KIF24: variants seen among roughly 807,000 people sequenced by gnomAD.
KIF24 encodes kinesin-like protein KIF24.
Under a neutral mutation model 118.9 loss-of-function variants are expected in KIF24, and 81 were observed. The ratio of observed to expected loss-of-function variants is 0.68; its 90% CI spans 0.57 to 0.82. KIF24 has a LOEUF of 0.82. Ranked by LOEUF, KIF24 falls within the 40% of genes least tolerant of loss-of-function variation. KIF24 has a pLI of 0.00. For synonymous variants in KIF24, 599 were observed against 610.0 expected (o/e 0.98, Z 0.27); for missense variants, 1,560 against 1,661.6 (o/e 0.94, Z 1.06).
rs1449153046 is a variant in KIF24 at position 34,277,047 on chromosome 9, G to A, written c.1216-5117C>T. ...TGATGGATCATCATAGATTGGTATC[G>A]TTCCTTTCTCAAACTCTTTTTTTTC... On this transcript the variant is annotated intron_variant, in intron 6 of 12. Transcript: ENST00000402558. Among the ~76,000 whole-genome samples the A allele has an allele frequency of 2.0e-5, 3 of 152,242 alleles. No homozygotes were observed. The East Asian group carries it at 5.8e-4, about 29-fold the overall frequency.
intron 10 of KIF24, 88 bp from the exon 11 acceptor site, chr9:34,258,069 G>C: frequency 1.0e-6 from 1 of 988,904 alleles, no homozygotes; most frequent in Non-Finnish European, 1.5e-6. Context: ...AAAAACCAAA[G>C]AAAAGTATTA....
Position 34,256,931 on chromosome 9 carries a change from C to A in KIF24, c.2676G>T (p.Trp892Cys). 1.2e-6 allele frequency: 2 copies of A among 1,613,918 alleles called. No homozygotes were observed. Among genetic ancestry groups the A allele is most frequent in the African/African-American group, 1.3e-5 (1 of 75,020 alleles). Reference sequence around the variant, plus strand: ...GGTTTATGGGGTCCCTGGAGTCCACCCAGCTTTTAGTTAGATCTTTCTTGT... The same window carrying A: ...GGTTTATGGGGTCCCTGGAGTCCACACAGCTTTTAGTTAGATCTTTCTTGT... Reference protein sequence around the residue: ...TGDKKDLTKSWVDSRDPINHR... With the variant: ...TGDKKDLTKSCVDSRDPINHR... Residue 892 changes from tryptophan (W) to cysteine (C), a missense_variant, in exon 11 of 13, where the codon TGG (tryptophan) becomes TGT (cysteine). Trp to Cys is a radical substitution (Grantham distance 215, BLOSUM62 -2). Transcript: ENST00000402558.
chr9:34,290,820 G>A (rs2210390), intron 4 of KIF24, among the ~76,000 whole-genome samples: 22,663 of 151,874 alleles, frequency 0.15, 2,051 homozygotes, highest in South Asian at 0.31. Flanking sequence ...AGCTCGTCTC[G>A]AACTCCTGAC....
At chr9:34,264,063 G>C (rs1554660044) in intron 8 of KIF24, among the ~76,000 whole-genome samples, 1 of 151,928 alleles carries the variant, frequency 6.6e-6, no homozygotes, top group Non-Finnish European at 1.5e-5. Context: ...GGTCGTGGGG[G>C]GCAAGATGAG....
At chr9:34,298,555 A>G (rs1563954576) in intron 3 of KIF24, among the ~76,000 whole-genome samples, 2 of 151,986 alleles carry the variant, frequency 1.3e-5, no homozygotes, top group Non-Finnish European at 2.9e-5. Flanking sequence ...AAAAAAAAAA[A>G]AAAGAGACAG....
Position 34,257,383 on chromosome 9 carries a change from G to T in KIF24, c.2224C>A (p.Pro742Thr). 6.2e-7 allele frequency: 1 copy of T among 1,614,068 alleles called. No individual in the cohort carries two copies. Among genetic ancestry groups the T allele is most frequent in the Non-Finnish European group, 8.5e-7 (1 of 1,179,902 alleles). The change falls in exon 11 of 13, where the codon CCT becomes ACT. Residue 742 changes from proline (P) to threonine (T), a missense_variant. Transcript: ENST00000402558. ...EYSQDSQRGT[P>T]ARPASEAWTN... The stretch of plus-strand genomic sequence containing the variant: ...CAAGCTTCAGAGGCAGGCCTAGCAG[G>T]CGTGCCCCTCTGGCTGTCTTGACTG...
chr9:34,326,179 C>A (rs917476922), intron 1 of KIF24, among the ~76,000 whole-genome samples: 1 of 152,014 alleles, frequency 6.6e-6, no homozygotes, highest in Non-Finnish European at 1.5e-5. Context: ...CATAGTGAGG[C>A]CTTGTCTCTA....
chr9:34,271,975 A>C, intron 6 of KIF24, 45 bp from the exon 7 acceptor site: 2 of 1,540,048 alleles, frequency 1.3e-6, no homozygotes, highest in Non-Finnish European at 1.8e-6. Context: ...GAGTAAACAA[A>C]AGCCTCTGGC....
rs141275074 is a variant in KIF24, at chr9:34,256,666, C to G, written c.2941G>C (p.Glu981Gln). The change falls in exon 11 of 13, where the codon GAG (glutamate) becomes CAG (glutamine). Residue 981 changes from glutamate (E) to glutamine (Q), a missense_variant. Coordinates refer to ENST00000402558, the MANE Select transcript of KIF24 (RefSeq NM_194313.4). Reference sequence around the variant, plus strand: ...AATGAGATAGTGAAACCATCTTCCTCTGGGGATGGCAAGTTGCCCTCATTC... The same window carrying G: ...AATGAGATAGTGAAACCATCTTCCTGTGGGGATGGCAAGTTGCCCTCATTC... ...GENEGNLPSP[E>Q]EDGFTISLSH... 4.7e-4 allele frequency: 755 copies of G among 1,613,968 alleles called. 1 individual carries two copies. The highest frequency in any genetic ancestry group is 4.7e-4 in the Non-Finnish European group (550 of 1,179,874).
intron 3 of KIF24, among the ~76,000 whole-genome samples, chr9:34,301,800 G>C (rs1161499217): frequency 6.6e-6 from 1 of 151,930 alleles, no homozygotes; most frequent in East Asian, 1.9e-4. Flanking sequence ...CTGCACCACT[G>C]TACCTCAGCC....
At position 34,271,846 on chromosome 9, in the gene KIF24, T is replaced by G. The variant is rs1244404119; in HGVS notation, c.1300A>C (p.Ile434Leu). ...DSSRSHAVIQ[I>L]QIKDSAKRTF... ...CTCTTGGCTGAATCTTTGATCTGAATTTGGATGACGGCATGGGAGCGGGAG... is the reference window on the plus strand; with the variant it reads ...CTCTTGGCTGAATCTTTGATCTGAAGTTGGATGACGGCATGGGAGCGGGAG... Residue 434 changes from isoleucine (I) to leucine (L), a missense_variant, in exon 7 of 13, where the codon ATT becomes CTT. Physicochemically the swap from Ile to Leu is conservative, Grantham distance 5. Transcript: ENST00000402558. The G allele has an allele frequency of 6.2e-7, 1 of 1,612,666 alleles. No homozygotes were observed. The highest frequency in any genetic ancestry group is 1.3e-5 in the African/African-American group (1 of 74,916).
intron 1 of KIF24, among the ~76,000 whole-genome samples, chr9:34,314,775 A>T (rs1001009041): frequency 1.3e-5 from 2 of 152,266 alleles, no homozygotes; most frequent in Non-Finnish European, 2.9e-5. Context: ...AAAGTCATGG[A>T]ATAGAGACTG....
At chr9:34,300,241 G>T (rs1836646775) in intron 3 of KIF24, among the ~76,000 whole-genome samples, 1 of 151,870 alleles carries the variant, frequency 6.6e-6, no homozygotes, top group African/African-American at 2.4e-5. Flanking sequence ...GAAAAATGTG[G>T]TAAGATTTTA....
chr9:34,259,296 C>T (rs1834967783), intron 10 of KIF24, among the ~76,000 whole-genome samples: 2 of 152,216 alleles, frequency 1.3e-5, no homozygotes, highest in African/African-American at 2.4e-5. Context: ...ATTAATATTT[C>T]ACTTCTCACT....
intron 4 of KIF24, among the ~76,000 whole-genome samples, chr9:34,291,219 A>G (rs1057470718): frequency 2.0e-5 from 3 of 152,178 alleles, no homozygotes; most frequent in Admixed American, 2.0e-4. Flanking sequence ...GACTCACAAG[A>G]GTAGGAATTG....
At chr9:34,266,375 C>A (rs72731296) in intron 8 of KIF24, among the ~76,000 whole-genome samples, 64 of 152,056 alleles carry the variant, frequency 4.2e-4, no homozygotes, top group African/African-American at 1.5e-3. Context: ...ACACCATTTC[C>A]GTCTCAAAAA....
chr9:34,321,758 C>T (rs1212009410), intron 1 of KIF24, among the ~76,000 whole-genome samples: 3 of 151,852 alleles, frequency 2.0e-5, no homozygotes, highest in Non-Finnish European at 4.4e-5. Flanking sequence ...AGGTGCATGC[C>T]ACCAAACCTG....
At chr9:34,321,562 T>C (rs62556640) in intron 1 of KIF24, among the ~76,000 whole-genome samples, 1 of 67,438 alleles carries the variant, frequency 1.5e-5, no homozygotes, top group Non-Finnish European at 3.3e-5. Context: ...ACCGATAGCA[T>C]TAAAAAAAAA....
Position 34,269,375 on chromosome 9 carries a change from C to T in KIF24, c.1338-13G>A, listed in dbSNP as rs1247117495. The T allele has an allele frequency of 1.5e-6, 2 of 1,349,820 alleles. No individual in the cohort carries two copies. Among genetic ancestry groups the T allele is most frequent in the Non-Finnish European group, 2.1e-6 (2 of 945,078 alleles). The allele number at this position is 1,349,820 out of a possible 1,614,324, so 83.6% of individuals were successfully genotyped here. Reference sequence around the variant, plus strand: ...AATAAAAGAGATCCTAGAGAAAAGACACAGCAGGAGTGACTTCTGTGAAGC... The same window carrying T: ...AATAAAAGAGATCCTAGAGAAAAGATACAGCAGGAGTGACTTCTGTGAAGC... On this transcript the variant is annotated splice_polypyrimidine_tract_variant and intron_variant, in intron 7 of 12. Coordinates refer to ENST00000402558, the MANE Select transcript of KIF24 (RefSeq NM_194313.4).
Sources: allele counts gnomAD v4.1 joint callset (sites outside exome capture counted in the v4.1 genomes callset), GRCh38; gene constraint gnomAD v4.1.1; transcripts MANE v1.5; gene names NCBI Gene and HGNC (gene_info 2026-07-23, HGNC 2026-07-21).